SRGAP1: variants seen among roughly 807,000 people sequenced by gnomAD.
SRGAP1 encodes SLIT-ROBO Rho GTPase-activating protein 1.
SRGAP1 carries 43 observed loss-of-function variants against 121.9 expected under a neutral mutation model. The ratio of observed to expected loss-of-function variants is 0.35; its 90% CI spans 0.28 to 0.46. The LOEUF (loss-of-function observed/expected upper bound fraction) is 0.46, where lower values mean the gene tolerates loss of function less well. Among genes scored for constraint, SRGAP1 ranks in the 20% least tolerant of loss-of-function variants. SRGAP1 has a pLI of 1.00. For missense variants in SRGAP1, 1,102 were observed against 1,350.9 expected (o/e 0.82, Z 2.89); for synonymous variants, 447 against 485.4 (o/e 0.92, Z 1.04).
intron 1 of SRGAP1, among the ~76,000 whole-genome samples, chr12:63,929,717 A>T (rs3911400): frequency 0.44 from 66,438 of 152,018 alleles, 14,801 homozygotes; most frequent in African/African-American, 0.52. Flanking sequence ...TAAAAACCTT[A>T]CCAGAGAAAA....
At chr12:63,987,574 T>C (rs774128433) in intron 2 of SRGAP1, among the ~76,000 whole-genome samples, 7 of 151,878 alleles carry the variant, frequency 4.6e-5, no homozygotes, top group Non-Finnish European at 7.4e-5. Flanking sequence ...ATACAAAAAT[T>C]AGCCGGGCAT....
chr12:63,844,708 C>A lies in SRGAP1; in HGVS notation c.-109C>A. On this transcript the variant is annotated 5_prime_UTR_variant, in exon 1 of 22. Coordinates refer to ENST00000355086, the MANE Select transcript of SRGAP1 (RefSeq NM_020762.4). This position sits in a 1 kb window ranked among gnomAD's most constrained non-coding sequence, Gnocchi z 4.3. ...CCTCCCTTCCCTCGGGTCGGCGCTG[C>A]CTCTGGATTGCCTGCGTGTGGGAGT... 1 of 1,056,490 alleles carries A rather than the reference C, an allele frequency of 9.5e-7. No homozygotes were observed. The highest frequency in any genetic ancestry group is 1.5e-6 in the Non-Finnish European group (1 of 671,456). 65.4% of individuals were successfully genotyped at this position (1,056,490 alleles called of 1,614,324 possible).
At position 64,146,488 on chromosome 12, in the gene SRGAP1, G is replaced by C. The variant is rs765100826; in HGVS notation, c.*3816G>C. 6.6e-5 allele frequency: 10 copies of C among 152,160 alleles called. No individual in the cohort carries two copies. The highest frequency in any genetic ancestry group is 1.2e-4 in the Non-Finnish European group (8 of 68,026). The allele number at this position is 152,160 out of a possible 1,614,324, so 9.4% of individuals were successfully genotyped here. ...TAGCCTCTGGAGTCTACAAACTGAA[G>C]AAACTTTCATCTGATCAGCCTTGGA... On this transcript the variant is annotated 3_prime_UTR_variant, in exon 22 of 22. Transcript: ENST00000355086.
intron 1 of SRGAP1, among the ~76,000 whole-genome samples, chr12:63,886,763 G>A (rs959444008): frequency 1.3e-5 from 2 of 152,048 alleles, no homozygotes; most frequent in East Asian, 3.9e-4. Flanking sequence ...GAGACACCAC[G>A]TCTGGCCAAA....
At chr12:63,915,337 T>G (rs1200813569) in intron 1 of SRGAP1, among the ~76,000 whole-genome samples, 1 of 152,210 alleles carries the variant, frequency 6.6e-6, no homozygotes, top group Non-Finnish European at 1.5e-5. Context: ...ATAATTTACT[T>G]TCAGGGAACC....
chr12:64,112,718 A>G lies in SRGAP1; in HGVS notation c.2144+732A>G, dbSNP rs1380300470. 3.9e-5 allele frequency among the ~76,000 whole-genome samples: 6 copies of G among 152,166 alleles called. No individual in the cohort carries two copies. In the South Asian group the frequency reaches 1.0e-3, roughly 26 times the overall value. ...ATGGGAGTGCAGATATCTCTTCAAT[A>G]TACTGATTTCCTTTCTTTTGGATGT... On this transcript the variant is annotated intron_variant, in intron 17 of 21. Transcript: ENST00000355086.
intron 15 of SRGAP1, 34 bp downstream of exon 15, chr12:64,097,409 G>T (rs2036178885): frequency 6.2e-7 from 1 of 1,606,260 alleles, no homozygotes; most frequent in Non-Finnish European, 8.5e-7. Flanking sequence ...TTTCCCACAA[G>T]AATTATTTCA....
chr12:64,103,296 A>G (rs946447013), intron 15 of SRGAP1, among the ~76,000 whole-genome samples: 2 of 152,202 alleles, frequency 1.3e-5, no homozygotes, highest in African/African-American at 4.8e-5. Context: ...GTTGTAAAAA[A>G]TTATGCCACG....
Position 64,078,930 on chromosome 12 carries a change from G to T in SRGAP1, c.1137G>T (p.Thr379=), listed in dbSNP as rs61756190. ...LKIENEEVKK[T]TEATLQTIQD... The stretch of plus-strand genomic sequence containing the variant: ...ATTTCTATTCCCAGGTTAAGAAAAC[G>T]ACTGAAGCCACCTTGCAGACGATAC... Residue 379 remains threonine (T), a synonymous_variant, in exon 9 of 22, where the codon ACG becomes ACT. Transcript: ENST00000355086. 1 of 1,613,372 alleles carries T rather than the reference G, an allele frequency of 6.2e-7. No individual in the cohort carries two copies. The highest frequency in any genetic ancestry group is 1.1e-5 in the South Asian group (1 of 91,040).
At chr12:63,983,797 AATATATATATAT>A (rs71911661) in intron 1 of SRGAP1, 138 bp from the exon 2 acceptor site, 2,839 of 64,498 alleles carry the variant, frequency 0.044, 66 homozygotes, top group Admixed American at 0.05. Context: ...ATACATTTAA[AATATATATATAT>A]ATATATATAT....
At chr12:63,848,015 A>G (rs973081179) in intron 1 of SRGAP1, among the ~76,000 whole-genome samples, 1 of 150,122 alleles carries the variant, frequency 6.7e-6, no homozygotes, top group African/African-American at 2.4e-5. Context: ...TTTTATATAT[A>G]TATATATATA....
chr12:63,972,446 A>G (rs2136393537), intron 1 of SRGAP1, among the ~76,000 whole-genome samples: 1 of 152,354 alleles, frequency 6.6e-6, no homozygotes, highest in East Asian at 1.9e-4. Flanking sequence ...GCAAAGAATA[A>G]AAAAGAAGTC....
At chr12:63,957,470 TGGAA>T (rs1453637317) in intron 1 of SRGAP1, among the ~76,000 whole-genome samples, 2 of 152,110 alleles carry the variant, frequency 1.3e-5, no homozygotes, top group Non-Finnish European at 2.9e-5. Flanking sequence ...GGAGAAAAGA[TGGAA>T]GGAAGGAGCC....
chr12:63,869,400 C>T (rs1228576119), intron 1 of SRGAP1, among the ~76,000 whole-genome samples: 1 of 152,212 alleles, frequency 6.6e-6, no homozygotes, highest in Non-Finnish European at 1.5e-5. Context: ...GACACTACTG[C>T]ACTGGGGATT....
At chr12:64,003,466 C>A (rs1593027620) in intron 3 of SRGAP1, among the ~76,000 whole-genome samples, 4 of 110,304 alleles carry the variant, frequency 3.6e-5, no homozygotes, top group African/African-American at 1.1e-4. Flanking sequence ...AATGGAAAGC[C>A]AGGAAGTTTC....
intron 4 of SRGAP1, among the ~76,000 whole-genome samples, chr12:64,020,248 C>T (rs997994648): frequency 6.6e-6 from 1 of 152,006 alleles, no homozygotes; most frequent in Non-Finnish European, 1.5e-5. Flanking sequence ...TTTTACCAGG[C>T]CAGATTGTGC....
chr12:63,966,919 A>G (rs1289788282), intron 1 of SRGAP1, among the ~76,000 whole-genome samples: 2 of 152,218 alleles, frequency 1.3e-5, no homozygotes, highest in Non-Finnish European at 2.9e-5. Flanking sequence ...AATTTCATAT[A>G]TGAGTATTCA....
At chr12:64,093,553 A>G (rs2036095262) in intron 12 of SRGAP1, among the ~76,000 whole-genome samples, 1 of 152,120 alleles carries the variant, frequency 6.6e-6, no homozygotes. Context: ...TTAGTGTTCC[A>G]TGAATTGTTC....
At chr12:63,946,437 A>G (rs951257571) in intron 1 of SRGAP1, among the ~76,000 whole-genome samples, 1 of 151,704 alleles carries the variant, frequency 6.6e-6, no homozygotes, top group African/African-American at 2.4e-5. Context: ...AAATTTTATC[A>G]TGCCCCTTTG....
Sources: gnomAD v4.1 joint callset for allele counts (sites outside exome capture counted in the v4.1 genomes callset) on GRCh38, gnomAD v4.1.1 for gene constraint, Gnocchi (gnomAD v3.1) non-coding constraint, MANE v1.5 for transcripts, NCBI Gene and HGNC (gene_info 2026-07-23, HGNC 2026-07-21) for gene names.